ATP2B2: variants seen among roughly 807,000 people sequenced by gnomAD.
The protein encoded by ATP2B2 is plasma membrane calcium-transporting ATPase 2.
Under a neutral mutation model 120.0 loss-of-function variants are expected in ATP2B2, and 15 were observed. That is an observed-to-expected ratio of 0.12 (90% CI 0.08 to 0.19). ATP2B2 has a LOEUF of 0.19. ATP2B2 is among the 10% of genes least tolerant of loss of function. The pLI is 1.00. For missense variants in ATP2B2, 1,045 were observed against 1,719.8 expected (o/e 0.61, Z 6.94); for synonymous variants, 694 against 700.3 (o/e 0.99, Z 0.14).
At chr3:10,612,126 G>T (rs2069255803) in intron 2 of ATP2B2, among the ~76,000 whole-genome samples, 2 of 152,146 alleles carry the variant, frequency 1.3e-5, no homozygotes, top group South Asian at 4.1e-4. Context: ...CACACGGCAG[G>T]TGCTGCATAT....
intron 2 of ATP2B2, among the ~76,000 whole-genome samples, chr3:10,431,712 G>T (rs2063321510): frequency 6.6e-6 from 1 of 151,546 alleles, no homozygotes; most frequent in African/African-American, 2.4e-5. Context: ...CTAGCACATA[G>T]TAGGTGCTCA....
chr3:10,335,515 G>A (rs947849045), intron 22 of ATP2B2, among the ~76,000 whole-genome samples: 10 of 152,180 alleles, frequency 6.6e-5, no homozygotes, highest in Non-Finnish European at 1.3e-4. Flanking sequence ...GTGACCTCTT[G>A]GCTCAACTGT....
intron 3 of ATP2B2, among the ~76,000 whole-genome samples, chr3:10,529,146 T>A (rs1375578765): frequency 6.6e-6 from 1 of 152,168 alleles, no homozygotes; most frequent in African/African-American, 2.4e-5. Flanking sequence ...AAGTGACTGA[T>A]GAGAGGGAGT....
At chr3:10,493,341 C>T (rs1355781435) in intron 1 of ATP2B2, among the ~76,000 whole-genome samples, 1 of 151,824 alleles carries the variant, frequency 6.6e-6, no homozygotes, top group Non-Finnish European at 1.5e-5. Flanking sequence ...TGAAATAAAC[C>T]GAAGGGGAAA....
chr3:10,612,633 C>T (rs2069272943), intron 2 of ATP2B2, among the ~76,000 whole-genome samples: 1 of 152,210 alleles, frequency 6.6e-6, no homozygotes. Flanking sequence ...GATCTATATA[C>T]TGATATCTCC....
chr3:10,581,310 G>A (rs1242867054), intron 2 of ATP2B2, among the ~76,000 whole-genome samples: 5 of 152,236 alleles, frequency 3.3e-5, no homozygotes, highest in Non-Finnish European at 7.3e-5. Flanking sequence ...AGCCCCACAA[G>A]GCTCTGGGAA....
At chr3:10,507,572 T>C (rs886551860), upstream of ATP2B2, among the ~76,000 whole-genome samples, 1 of 152,212 alleles carries the variant, frequency 6.6e-6, no homozygotes, top group Non-Finnish European at 1.5e-5. Context: ...GTTGCCAGCC[T>C]ACATGTCTGT....
intron 2 of ATP2B2, among the ~76,000 whole-genome samples, chr3:10,611,784 C>T (rs542510409): frequency 8.5e-5 from 13 of 152,282 alleles, no homozygotes; most frequent in Admixed American, 6.5e-4. Context: ...AAGAGTGTAA[C>T]GTTGGACCAG....
chr3:10,517,922 G>A (rs1489770921), intron 3 of ATP2B2, among the ~76,000 whole-genome samples: 1 of 152,172 alleles, frequency 6.6e-6, no homozygotes, highest in Non-Finnish European at 1.5e-5. Context: ...ACACAGTGTG[G>A]GAAATGGCAG....
Position 10,402,007 on chromosome 3 carries a change from G to A in ATP2B2, c.655+84C>T, listed in dbSNP as rs2062237038. ...TTCAGGAATGCATCCCCTTCCTTGAGCCAATCTCTTTGCATCAGCCTGGCC... is the reference window on the plus strand; with the variant it reads ...TTCAGGAATGCATCCCCTTCCTTGAACCAATCTCTTTGCATCAGCCTGGCC... On this transcript the variant is annotated intron_variant, in intron 4 of 22. Coordinates refer to ENST00000360273, the MANE Select transcript of ATP2B2 (RefSeq NM_001001331.4). The surrounding 1 kb of genome is among the most constrained non-coding windows in gnomAD (Gnocchi z 4.9). The A allele has an allele frequency of 6.3e-7, 1 of 1,597,558 alleles. No individual in the cohort carries two copies. Among genetic ancestry groups the A allele is most frequent in the African/African-American group, 1.3e-5 (1 of 74,844 alleles).
At chr3:10,679,540 G>T (rs977697882) in intron 1 of ATP2B2, among the ~76,000 whole-genome samples, 6 of 152,212 alleles carry the variant, frequency 3.9e-5, no homozygotes, top group African/African-American at 1.4e-4. Flanking sequence ...TGTCCAGTTT[G>T]GGGGATAGTC....
In ATP2B2 at chr3:10,694,130, A is replaced by T. The variant is rs1482651034; in HGVS notation, c.-460+13785T>A. Reference sequence around the variant, plus strand: ...CAAGAAATGGGCATTGTTACAATCCACAGAGCTTCTTCAGATTTCACTAGT... The same window carrying T: ...CAAGAAATGGGCATTGTTACAATCCTCAGAGCTTCTTCAGATTTCACTAGT... On this transcript the variant is annotated intron_variant, in intron 1 of 21. Transcript: ENST00000646379. Among the ~76,000 whole-genome samples the T allele has an allele frequency of 2.6e-5, 4 of 152,254 alleles. No individual in the cohort carries two copies. The East Asian group carries it at 7.7e-4, about 29-fold the overall frequency.
intron 2 of ATP2B2, among the ~76,000 whole-genome samples, chr3:10,599,920 T>C (rs557075385): frequency 6.6e-6 from 1 of 152,254 alleles, no homozygotes; most frequent in South Asian, 2.1e-4. Context: ...GAGGGCTTCT[T>C]TGAGAAGAAG....
intron 5 of ATP2B2, 104 bp downstream of exon 5, chr3:10,400,849 C>A (rs1035963505): frequency 8.4e-5 from 131 of 1,553,316 alleles, no homozygotes; most frequent in Middle Eastern, 7.5e-4. Flanking sequence ...GATACCAGAG[C>A]CAAGGATCAA....
At chr3:10,602,785 C>T (rs191843409) in intron 2 of ATP2B2, among the ~76,000 whole-genome samples, 1 of 152,206 alleles carries the variant, frequency 6.6e-6, no homozygotes, top group East Asian at 1.9e-4. Context: ...GACATGGAGG[C>T]CAAACTCCAC....
At chr3:10,559,446 C>A (rs542050047) in intron 2 of ATP2B2, among the ~76,000 whole-genome samples, 1 of 152,198 alleles carries the variant, frequency 6.6e-6, no homozygotes, top group Non-Finnish European at 1.5e-5. Flanking sequence ...TGCTAATTAC[C>A]CTGATCTGCT....
chr3:10,648,107 T>C (rs888834937), intron 1 of ATP2B2, among the ~76,000 whole-genome samples: 2 of 152,100 alleles, frequency 1.3e-5, no homozygotes, highest in Non-Finnish European at 2.9e-5. Flanking sequence ...TGTCAGCAAA[T>C]CAGCAAGGAG....
chr3:10,560,015 C>T (rs920971707), intron 2 of ATP2B2, among the ~76,000 whole-genome samples: 4 of 152,206 alleles, frequency 2.6e-5, no homozygotes, highest in Non-Finnish European at 5.9e-5. Context: ...CCTCTTGCAG[C>T]CTTTGATCAC....
chr3:10,663,013 G>A (rs1408308306), intron 1 of ATP2B2, among the ~76,000 whole-genome samples: 6 of 145,682 alleles, frequency 4.1e-5, no homozygotes, highest in Non-Finnish European at 8.9e-5. Context: ...AACATTGCAT[G>A]TTCTCACTCA....
Sources: gnomAD v4.1 joint callset for allele counts (sites outside exome capture counted in the v4.1 genomes callset) on GRCh38, gnomAD v4.1.1 for gene constraint, Gnocchi (gnomAD v3.1) non-coding constraint, MANE v1.5 for transcripts, NCBI Gene and HGNC (gene_info 2026-07-23, HGNC 2026-07-21) for gene names.